The following ATF4 variants were observed in gnomAD, a reference collection of about 807,000 sequenced individuals.
The protein encoded by ATF4 is activating transcription factor 4.
ATF4 carries 8 observed loss-of-function variants against 21.0 expected under a neutral mutation model. The ratio of observed to expected loss-of-function variants is 0.38; its 90% CI spans 0.22 to 0.69. The LOEUF is 0.69. ATF4 is among the 30% of genes least tolerant of loss of function. The pLI is 0.49. For synonymous variants in ATF4, 241 were observed against 166.4 expected, an observed-to-expected ratio of 1.45 and a Z score of -3.45; for missense variants, 549 against 425.9, an observed-to-expected ratio of 1.29 and a Z score of -2.54.
rs183254244 is a variant in ATF4 at position 39,522,620 on chromosome 22, C to T, written c.*18C>T. 1.8e-5 allele frequency: 27 copies of T among 1,514,992 alleles called. No individual in the cohort carries two copies. The Admixed American group carries it at 3.5e-4, about 19-fold the overall frequency. 93.8% of individuals were successfully genotyped at this position (1,514,992 alleles called of 1,614,324 possible). The stretch of plus-strand genomic sequence containing the variant: ...TCCCCTAGTTGAGGATAGTCAGGAG[C>T]GTCAATGTGCTTGTACATAGAGTGC... On this transcript the variant is annotated 3_prime_UTR_variant, in exon 3 of 3. Coordinates refer to ENST00000674920, the MANE Select transcript of ATF4 (RefSeq NM_182810.3).
rs762144715 is a variant in ATF4, at chr22:39,521,591, T to C, written c.146T>C (p.Phe49Ser). ...GCCAAGCACTTCAAACCTCATGGGT[T>C]CTCCAGCGACAAGGCTAAGGCGGGC... Reference protein sequence around the residue: ...EVAKHFKPHGFSSDKAKAGSS... With the variant: ...EVAKHFKPHGSSSDKAKAGSS... The change falls in exon 2 of 3, where the codon TTC becomes TCC. Residue 49 changes from phenylalanine to serine, a missense_variant. Transcript: ENST00000674920. 6.2e-7 allele frequency: 1 copy of C among 1,613,990 alleles called. No homozygotes were observed. The highest frequency in any genetic ancestry group is 8.5e-7 in the Non-Finnish European group (1 of 1,179,990).
chr22:39,521,763 TG>T lies in ATF4; in HGVS notation c.227-9del, dbSNP rs747519249. The T allele has an allele frequency of 9.9e-6, 16 of 1,613,414 alleles. No homozygotes were observed. Among genetic ancestry groups the T allele is most frequent in the African/African-American group, 9.3e-5 (7 of 75,020 alleles). ...GACTCACTTGGCCCCATCACTCAAATGTTTTGCAGAGGATGCCTTCTCCGGG... is the reference window on the plus strand; with the variant it reads ...GACTCACTTGGCCCCATCACTCAAATTTTTGCAGAGGATGCCTTCTCCGGG... On this transcript the variant is annotated splice_polypyrimidine_tract_variant and intron_variant, in intron 2 of 2. Transcript: ENST00000674920.
chr22:39,522,156 A>G lies in ATF4; in HGVS notation c.610A>G (p.Ile204Val). The change falls in exon 3 of 3, where the codon ATC (isoleucine) becomes GTC (valine). Residue 204 changes from isoleucine to valine, a missense_variant. By Grantham distance (29) the Ile-to-Val change is conservative (BLOSUM62 3). Coordinates refer to ENST00000674920, the MANE Select transcript of ATF4 (RefSeq NM_182810.3). ...KPDYTAYVAM[I>V]PQCIKEEDTP... ...AGACTACACTGCTTACGTTGCCATGATCCCTCAGTGCATAAAGGAGGAAGA... is the reference window on the plus strand; with the variant it reads ...AGACTACACTGCTTACGTTGCCATGGTCCCTCAGTGCATAAAGGAGGAAGA... 1 of 1,613,638 alleles carries G rather than the reference A, an allele frequency of 6.2e-7. No individual in the cohort carries two copies. The highest frequency in any genetic ancestry group is 8.5e-7 in the Non-Finnish European group (1 of 1,179,708).
chr22:39,522,002 C>T lies in ATF4; in HGVS notation c.456C>T (p.Asp152=). Residue 152 remains aspartate, a synonymous_variant, in exon 3 of 3, where the codon GAC becomes GAT. Coordinates refer to ENST00000674920, the MANE Select transcript of ATF4 (RefSeq NM_182810.3). ...GHLPESLTKP[D]QVAPFTFLQP... ...TCCCAGAAAGTTTAACAAAACCCGA[C>T]CAGGTTGCCCCCTTCACCTTCTTAC... 1.2e-6 allele frequency: 2 copies of T among 1,613,726 alleles called. No homozygotes were observed. The highest frequency in any genetic ancestry group is 1.7e-6 in the Non-Finnish European group (2 of 1,179,802).
Position 39,522,174 on chromosome 22 carries a change from G to A in ATF4, c.628G>A (p.Glu210Lys), listed in dbSNP as rs747215775. ...YVAMIPQCIKEEDTPSDNDSG... is the reference protein window; with the variant it reads ...YVAMIPQCIKKEDTPSDNDSG... ...TGCCATGATCCCTCAGTGCATAAAGGAGGAAGACACCCCTTCAGATAATGA... is the reference window on the plus strand; with the variant it reads ...TGCCATGATCCCTCAGTGCATAAAGAAGGAAGACACCCCTTCAGATAATGA... Residue 210 changes from glutamate to lysine, a missense_variant, in exon 3 of 3, where the codon GAG becomes AAG. Transcript: ENST00000674920. The A allele has an allele frequency of 2.5e-6, 4 of 1,612,826 alleles. No homozygotes were observed. The highest frequency in any genetic ancestry group is 1.7e-5 in the Admixed American group (1 of 59,896).
In ATF4 at chr22:39,522,044, C is replaced by T. The variant is rs780918174; in HGVS notation, c.498C>T (p.Ser166=). The change falls in exon 3 of 3, where the codon TCC becomes TCT. Residue 166 remains serine, a synonymous_variant. Coordinates refer to ENST00000674920, the MANE Select transcript of ATF4 (RefSeq NM_182810.3). ...PFTFLQPLPL[S]PGVLSSTPDH... is the part of the protein sequence containing the mutation. ...CCTTCTTACAACCTCTTCCCCTTTC[C>T]CCAGGGGTCCTGTCCTCCACTCCAG... 1.5e-4 allele frequency: 247 copies of T among 1,613,834 alleles called. No individual in the cohort carries two copies. The Admixed American group carries it at 4.0e-3, about 26-fold the overall frequency.
Position 39,522,553 on chromosome 22 carries a change from A to G in ATF4, c.1007A>G (p.Asp336Gly), listed in dbSNP as rs770552438. 14 of 1,577,220 alleles carry G rather than the reference A, an allele frequency of 8.9e-6. No individual in the cohort carries two copies. The highest frequency in any genetic ancestry group is 1.2e-5 in the Non-Finnish European group (14 of 1,165,540). ...SLAKEIQYLK[D>G]LIEEVRKARG... ...GCCAAGGAGATCCAGTACCTGAAAG[A>G]TTTGATAGAAGAGGTCCGCAAGGCA... Residue 336 changes from aspartate to glycine, a missense_variant, in exon 3 of 3, where the codon GAT (aspartate) becomes GGT (glycine). Physicochemically the swap from Asp to Gly is moderately conservative, Grantham distance 94. Coordinates refer to ENST00000674920, the MANE Select transcript of ATF4 (RefSeq NM_182810.3).
Position 39,522,321 on chromosome 22 carries a change from A to T in ATF4, c.775A>T (p.Lys259Ter), listed in dbSNP as rs1931012837. ...PGVLCGSARPKPYDPPGEKMV... is the reference protein window; with the variant it reads ...PGVLCGSARP Reference sequence around the variant, plus strand: ...TGTTCTCTGTGGGTCTGCCCGTCCCAAACCTTACGATCCTCCTGGAGAGAA... The same window carrying T: ...TGTTCTCTGTGGGTCTGCCCGTCCCTAACCTTACGATCCTCCTGGAGAGAA... The change falls in exon 3 of 3, where the codon AAA becomes TAA. Residue 259 changes from lysine to a stop codon, truncating the protein, a stop_gained. Transcript: ENST00000674920. LOFTEE classifies it high-confidence loss of function. The T allele has an allele frequency of 6.2e-7, 1 of 1,612,684 alleles. No individual in the cohort carries two copies. Among genetic ancestry groups the T allele is most frequent in the Non-Finnish European group, 8.5e-7 (1 of 1,179,444 alleles).
intron 2 of ATF4, 37 bp from the exon 3 acceptor site, chr22:39,521,736 C>T (rs371958399): frequency 1.2e-6 from 2 of 1,610,334 alleles, no homozygotes; most frequent in Non-Finnish European, 8.5e-7. Context: ...ACCTTTGTAT[C>T]TGACTCACTT....
In ATF4 at chr22:39,522,546, C is replaced by G. The variant is rs541765130; in HGVS notation, c.1000C>G (p.Leu334Val). The G allele has an allele frequency of 6.3e-7, 1 of 1,582,138 alleles. No homozygotes were observed. The highest frequency in any genetic ancestry group is 1.4e-5 in the African/African-American group (1 of 72,938). ...ADSLAKEIQY[L>V]KDLIEEVRKA... Reference sequence around the variant, plus strand: ...TTCCCTGGCCAAGGAGATCCAGTACCTGAAAGATTTGATAGAAGAGGTCCG... The same window carrying G: ...TTCCCTGGCCAAGGAGATCCAGTACGTGAAAGATTTGATAGAAGAGGTCCG... Residue 334 changes from leucine to valine, a missense_variant, in exon 3 of 3, where the codon CTG (leucine) becomes GTG (valine). Transcript: ENST00000674920.
chr22:39,521,794 A>G lies in ATF4; in HGVS notation c.248A>G (p.Asp83Gly). The G allele has an allele frequency of 1.2e-6, 2 of 1,614,024 alleles. No homozygotes were observed. Among genetic ancestry groups the G allele is most frequent in the South Asian group, 2.2e-5 (2 of 91,076 alleles). The change falls in exon 3 of 3, where the codon GAT (aspartate) becomes GGT (glycine). Residue 83 changes from aspartate to glycine, a missense_variant. By Grantham distance (94) the Asp-to-Gly change is moderately conservative. Transcript: ENST00000674920. ...GCAGAGGATGCCTTCTCCGGGACAG[A>G]TTGGATGTTGGAGAAAATGGATTTG... ...NSKEDAFSGT[D>G]WMLEKMDLKE...
chr22:39,521,121 T>G, intron 1 of ATF4: 1 of 180,640 alleles, frequency 5.5e-6, no homozygotes. Flanking sequence ...CCTGGCCGTA[T>G]TTGGACGTGG....
In ATF4 at chr22:39,521,777, T is replaced by G. The variant is rs1323569329; in HGVS notation, c.231T>G (p.Asp77Glu). 1 of 1,613,854 alleles carries G rather than the reference T, an allele frequency of 6.2e-7. No individual in the cohort carries two copies. Among genetic ancestry groups the G allele is most frequent in the Admixed American group, 1.7e-5 (1 of 60,012 alleles). Residue 77 changes from aspartate (D) to glutamate (E), a missense_variant, in exon 3 of 3, where the codon GAT becomes GAG. Asp to Glu is a conservative substitution (Grantham distance 45). Coordinates refer to ENST00000674920, the MANE Select transcript of ATF4 (RefSeq NM_182810.3). Reference sequence around the variant, plus strand: ...CATCACTCAAATGTTTTGCAGAGGATGCCTTCTCCGGGACAGATTGGATGT... The same window carrying G: ...CATCACTCAAATGTTTTGCAGAGGAGGCCTTCTCCGGGACAGATTGGATGT... ...LVSPSNNSKEDAFSGTDWMLE... is the reference protein window; with the variant it reads ...LVSPSNNSKEEAFSGTDWMLE...
chr22:39,522,613 T>G lies in ATF4; in HGVS notation c.*11T>G. On this transcript the variant is annotated 3_prime_UTR_variant, in exon 3 of 3. Transcript: ENST00000674920. ...AAAAGGGTCCCCTAGTTGAGGATAG[T>G]CAGGAGCGTCAATGTGCTTGTACAT... 2 of 1,523,516 alleles carry G rather than the reference T, an allele frequency of 1.3e-6. No homozygotes were observed. The highest frequency in any genetic ancestry group is 1.8e-6 in the Non-Finnish European group (2 of 1,139,378). The allele number at this position is 1,523,516 out of a possible 1,614,324, so 94.4% of individuals were successfully genotyped here.
intron 1 of ATF4, 115 bp downstream of exon 1, chr22:39,520,866 G>T (rs1930894679): frequency 6.5e-6 from 1 of 152,978 alleles, no homozygotes; most frequent in South Asian, 2.0e-4. Context: ...GATTTAACGA[G>T]CGCCCGGGAC....
In ATF4 at chr22:39,522,344, G is replaced by A. The variant is rs2145764639; in HGVS notation, c.798G>A (p.Glu266=). The change falls in exon 3 of 3, where the codon GAG becomes GAA. Residue 266 remains glutamate, a synonymous_variant. Transcript: ENST00000674920. ...ARPKPYDPPG[E]KMVAAKVKGE... Reference sequence around the variant, plus strand: ...CCAAACCTTACGATCCTCCTGGAGAGAAGATGGTAGCAGCAAAAGTAAAGG... The same window carrying A: ...CCAAACCTTACGATCCTCCTGGAGAAAAGATGGTAGCAGCAAAAGTAAAGG... The A allele has an allele frequency of 1.2e-6, 2 of 1,612,956 alleles. No individual in the cohort carries two copies. Among genetic ancestry groups the A allele is most frequent in the Non-Finnish European group, 1.7e-6 (2 of 1,179,490 alleles).
rs777947241 is a variant in ATF4 at position 39,522,529 on chromosome 22, C to T, written c.983C>T (p.Ala328Val). Reference protein sequence around the residue: ...EALKERADSLAKEIQYLKDLI... With the variant: ...EALKERADSLVKEIQYLKDLI... ...CTAAAAGAGAGGGCGGATTCCCTGG[C>T]CAAGGAGATCCAGTACCTGAAAGAT... is the stretch of plus-strand genomic sequence containing the variant. Residue 328 changes from alanine to valine, a missense_variant, in exon 3 of 3, where the codon GCC becomes GTC. Ala to Val is a moderately conservative substitution (Grantham distance 64). Coordinates refer to ENST00000674920, the MANE Select transcript of ATF4 (RefSeq NM_182810.3). 3.4e-5 allele frequency: 55 copies of T among 1,600,946 alleles called. No individual in the cohort carries two copies. Among genetic ancestry groups the T allele is most frequent in the Non-Finnish European group, 4.4e-5 (52 of 1,174,784 alleles).
chr22:39,520,846 A>G (rs1930893438), intron 1 of ATF4, 95 bp downstream of exon 1: 1 of 153,134 alleles, frequency 6.5e-6, no homozygotes, highest in Non-Finnish European at 1.5e-5. Context: ...GGTGCCGCCA[A>G]GGGGGAAGCG....
At position 39,521,785 on chromosome 22, in the gene ATF4, C is replaced by T. The variant is rs146185967; in HGVS notation, c.239C>T (p.Ser80Phe). 9.3e-6 allele frequency: 15 copies of T among 1,613,854 alleles called. No homozygotes were observed. Among genetic ancestry groups the T allele is most frequent in the Admixed American group, 3.3e-5 (2 of 60,014 alleles). ...AAATGTTTTGCAGAGGATGCCTTCT[C>T]CGGGACAGATTGGATGTTGGAGAAA... The part of the protein sequence containing the change: ...PSNNSKEDAF[S>F]GTDWMLEKMD... The change falls in exon 3 of 3, where the codon TCC (serine) becomes TTC (phenylalanine). Residue 80 changes from serine (S) to phenylalanine (F), a missense_variant. Ser to Phe is a radical substitution (Grantham distance 155). Transcript: ENST00000674920.
Sources: gnomAD v4.1 joint callset for allele counts on GRCh38, gnomAD v4.1.1 for gene constraint, MANE v1.5 for transcripts, NCBI Gene and HGNC (gene_info 2026-07-23, HGNC 2026-07-21) for gene names.